BTNL8: variants seen among roughly 807,000 people sequenced by gnomAD.
BTNL8 encodes butyrophilin like 8, also known as butyrophilin-like protein 8.
Under a neutral mutation model 36.1 loss-of-function variants are expected in BTNL8, and 22 were observed. That is an observed-to-expected ratio of 0.61 (90% CI 0.44 to 0.87). BTNL8 has a LOEUF of 0.87. BTNL8 is among the 40% of genes least tolerant of loss of function. BTNL8 has a pLI of 0.00. For synonymous variants in BTNL8, 203 were observed against 235.6 expected, an observed-to-expected ratio of 0.86 and a Z score of 1.27; for missense variants, 526 against 616.9, an observed-to-expected ratio of 0.85 and a Z score of 1.56.
Position 180,899,568 on chromosome 5 carries a change from C to T in BTNL8, c.49+209C>T, listed in dbSNP as rs149548058. On this transcript the variant is annotated intron_variant, in intron 1 of 7. Transcript: ENST00000340184. Reference sequence around the variant, plus strand: ...ACGGGTGTTGAAGACGCACCGTGATCGTTGACGGGGACACACCTAACGTGT... The same window carrying T: ...ACGGGTGTTGAAGACGCACCGTGATTGTTGACGGGGACACACCTAACGTGT... 3.2e-3 allele frequency among the ~76,000 whole-genome samples: 482 copies of T among 152,294 alleles called. 4 individuals carry two copies. The highest frequency in any genetic ancestry group is 0.011 in the African/African-American group (451 of 41,558).
rs763420925 is a variant in BTNL8 at position 180,950,062 on chromosome 5, C to T, written c.1021C>T (p.His341Tyr). Residue 341 changes from histidine (H) to tyrosine (Y), a missense_variant, in exon 8 of 8, where the codon CAT (histidine) becomes TAT (tyrosine). Around this residue, in one of 2 missense-constraint regions of BTNL8, gnomAD observed 176 missense variants for 292.3 expected, o/e 0.60. Transcript: ENST00000340184. ...VASQSFQAGK[H>Y]YWEVDGGHNK... The stretch of plus-strand genomic sequence containing the variant: ...TTCTCAGAGTTTCCAAGCAGGGAAA[C>T]ATTACTGGGAGGTGGACGGAGGACA... 7 of 1,462,362 alleles carry T rather than the reference C, an allele frequency of 4.8e-6. 1 individual carries two copies. In the South Asian group the frequency reaches 7.8e-5, roughly 16 times the overall value. The allele number at this position is 1,462,362 out of a possible 1,614,324, so 90.6% of individuals were successfully genotyped here.
At chr5:180,911,730 A>C in intron 3 of BTNL8, 116 bp downstream of exon 3, 1 of 1,093,460 alleles carries the variant, frequency 9.1e-7, no homozygotes, top group Non-Finnish European at 1.3e-6. Context: ...CTAATGATTT[A>C]TTTTAAAAGT....
chr5:180,910,890 C>A (rs1163010617), intron 2 of BTNL8, among the ~76,000 whole-genome samples: 1 of 152,186 alleles, frequency 6.6e-6, no homozygotes, highest in Non-Finnish European at 1.5e-5. Context: ...GATCCATCTG[C>A]CCCTCAACTG....
At chr5:180,915,743 CA>C (rs2113794022) in intron 3 of BTNL8, among the ~76,000 whole-genome samples, 1 of 152,284 alleles carries the variant, frequency 6.6e-6, no homozygotes. Flanking sequence ...TCAACATATG[CA>C]AATCAATAAA....
At chr5:180,919,327 A>G (rs1339594504) in intron 3 of BTNL8, among the ~76,000 whole-genome samples, 1 of 152,330 alleles carries the variant, frequency 6.6e-6, no homozygotes, top group Admixed American at 6.5e-5. Context: ...CCTTCCCATC[A>G]TGGCCTGGAC....
At chr5:180,942,316 C>T (rs1378928201) in intron 3 of BTNL8, among the ~76,000 whole-genome samples, 2 of 151,878 alleles carry the variant, frequency 1.3e-5, no homozygotes, top group Admixed American at 6.6e-5. Flanking sequence ...GAAAAGATAC[C>T]CCATGTTCCT....
At chr5:180,930,002 A>G (rs2387711) in intron 3 of BTNL8, among the ~76,000 whole-genome samples, 68,253 of 151,996 alleles carry the variant, frequency 0.45, 16,415 homozygotes, top group African/African-American at 0.63. Context: ...ACCTGGCAGA[A>G]ACACAACAAA....
Position 180,911,349 on chromosome 5 carries a change from A to T in BTNL8, c.408A>T (p.Ser136=). The change falls in exon 3 of 8, where the codon TCA becomes TCT. Residue 136 remains serine (S), a synonymous_variant. Coordinates refer to ENST00000340184, the MANE Select transcript of BTNL8 (RefSeq NM_001040462.3). ...CTGTTTTCTCCCCAGCACTGGGCTC[A>T]GTTCCTCTCATTTCCATCACGGGAT... ...IWELQVSALG[S]VPLISITGYV... The T allele has an allele frequency of 6.2e-7, 1 of 1,614,136 alleles. No individual in the cohort carries two copies. Among genetic ancestry groups the T allele is most frequent in the Non-Finnish European group, 8.5e-7 (1 of 1,180,008 alleles).
intron 3 of BTNL8, among the ~76,000 whole-genome samples, chr5:180,941,120 G>T (rs1202871034): frequency 1.1e-5 from 1 of 90,254 alleles, no homozygotes; most frequent in Non-Finnish European, 2.9e-5. Context: ...GAGGAAGGAA[G>T]GAAGGAAGGA....
chr5:180,920,817 A>G (rs979284971), intron 3 of BTNL8, among the ~76,000 whole-genome samples: 3 of 152,086 alleles, frequency 2.0e-5, no homozygotes, highest in Non-Finnish European at 4.4e-5. Context: ...TATAAATATT[A>G]ATAGCCAAGA....
chr5:180,930,673 A>G (rs1758331492), intron 3 of BTNL8, among the ~76,000 whole-genome samples: 1 of 152,192 alleles, frequency 6.6e-6, no homozygotes, highest in Admixed American at 6.5e-5. Flanking sequence ...ATAATAGACA[A>G]ACAGAAAGCC....
intron 3 of BTNL8, among the ~76,000 whole-genome samples, chr5:180,929,238 A>T (rs1758251263): frequency 6.6e-6 from 1 of 152,236 alleles, no homozygotes; most frequent in Admixed American, 6.5e-5. Flanking sequence ...AAATTAAAGC[A>T]GAAATAAATA....
chr5:180,910,349 C>T (rs933637621), intron 2 of BTNL8, among the ~76,000 whole-genome samples: 18 of 152,186 alleles, frequency 1.2e-4, no homozygotes, highest in South Asian at 2.1e-4. Flanking sequence ...TGCCTTTCTT[C>T]GTCATCCTGG....
At chr5:180,943,666 T>C (rs1759095559) in intron 3 of BTNL8, among the ~76,000 whole-genome samples, 1 of 152,160 alleles carries the variant, frequency 6.6e-6, no homozygotes, top group African/African-American at 2.4e-5. Flanking sequence ...GTGTGTTCAT[T>C]ATGGAAAACA....
At chr5:180,913,260 T>C (rs1017415137) in intron 3 of BTNL8, among the ~76,000 whole-genome samples, 7 of 152,158 alleles carry the variant, frequency 4.6e-5, no homozygotes, top group Admixed American at 2.0e-4. Flanking sequence ...AAGTAGCCTC[T>C]CCACCTTCAT....
intron 3 of BTNL8, among the ~76,000 whole-genome samples, chr5:180,940,455 T>A (rs1758872928): frequency 6.6e-6 from 1 of 151,390 alleles, no homozygotes; most frequent in Non-Finnish European, 1.5e-5. Context: ...AGTATAAATA[T>A]TTCAAGTAGA....
At position 180,949,489 on chromosome 5, in the gene BTNL8, C is replaced by CGG. The variant is rs201210185; in HGVS notation, c.862+230_862+231dup. 5.3e-4 allele frequency: 367 copies of CGG among 687,444 alleles called. 29 individuals are homozygous for CGG. Among genetic ancestry groups the CGG allele is most frequent in the African/African-American group, 2.7e-3 (146 of 53,466 alleles). The allele number at this position is 687,444 out of a possible 1,614,324, so 42.6% of individuals were successfully genotyped here. ...AGACAGGGGCTGGGTAAACGGGAGA[C>CGG]GGGGGGGTCTTTGGCACAGTTTCAG... On this transcript the variant is annotated intron_variant, in intron 7 of 7. Coordinates refer to ENST00000340184, the MANE Select transcript of BTNL8 (RefSeq NM_001040462.3).
At chr5:180,919,363 T>C (rs36121948) in intron 3 of BTNL8, among the ~76,000 whole-genome samples, 68,295 of 152,098 alleles carry the variant, frequency 0.45, 16,431 homozygotes, top group African/African-American at 0.63. Context: ...ACTTGGGAAT[T>C]CCCTTTCTTG....
chr5:180,915,906 T>C (rs190648149), intron 3 of BTNL8, among the ~76,000 whole-genome samples: 52 of 152,320 alleles, frequency 3.4e-4, no homozygotes, highest in Middle Eastern at 3.4e-3. Flanking sequence ...ATAAAGGCCA[T>C]ACGTAACATG....
Sources: gnomAD v4.1 joint callset for allele counts (sites outside exome capture counted in the v4.1 genomes callset) on GRCh38, gnomAD v4.1.1 for gene constraint, gnomAD v4.1.1 regional missense constraint, MANE v1.5 for transcripts, NCBI Gene and HGNC (gene_info 2026-07-23, HGNC 2026-07-21) for gene names.